ADCY8: variants seen among roughly 807,000 people sequenced by gnomAD.
ADCY8 encodes the protein adenylate cyclase type 8.
In ADCY8, 51 loss-of-function variants were observed where a neutral mutation model predicts 119.7. The ratio of observed to expected loss-of-function variants is 0.43; its 90% confidence interval spans 0.34 to 0.54. The LOEUF (loss-of-function observed/expected upper bound fraction) is 0.54. ADCY8 is among the 20% of genes least tolerant of loss of function. The probability of loss-of-function intolerance (pLI) is 0.03; values close to 1 mark genes in which losing one functional copy is unlikely to be tolerated. For missense variants in ADCY8, 1,383 were observed against 1,598.8 expected, an observed-to-expected ratio of 0.87 and a Z score of 2.30; for synonymous variants, 665 against 651.0, an observed-to-expected ratio of 1.02 and a Z score of -0.33.
intron 5 of ADCY8, among the ~76,000 whole-genome samples, chr8:130,936,788 G>A (rs1326942761): frequency 6.6e-6 from 1 of 152,124 alleles, no homozygotes; most frequent in Non-Finnish European, 1.5e-5. Flanking sequence ...TAACATCCCT[G>A]AAGGTAAGGA....
At chr8:130,896,714 T>C (rs1819402773) in intron 7 of ADCY8, among the ~76,000 whole-genome samples, 1 of 152,186 alleles carries the variant, frequency 6.6e-6, no homozygotes, top group Admixed American at 6.5e-5. Flanking sequence ...TTTTTAATTT[T>C]TTTTTCTTTA....
At chr8:131,017,518 C>T (rs900016275) in intron 1 of ADCY8, among the ~76,000 whole-genome samples, 1 of 152,208 alleles carries the variant, frequency 6.6e-6, no homozygotes, top group East Asian at 1.9e-4. Flanking sequence ...GCTTACATAA[C>T]TACTCTTTAT....
At chr8:131,031,179 A>G (rs1823985975) in intron 1 of ADCY8, among the ~76,000 whole-genome samples, 1 of 152,136 alleles carries the variant, frequency 6.6e-6, no homozygotes, top group African/African-American at 2.4e-5. Flanking sequence ...CCTTGATTAC[A>G]TCCCTGATGG....
chr8:130,900,050 G>A (rs1819544446), intron 7 of ADCY8, among the ~76,000 whole-genome samples: 1 of 152,140 alleles, frequency 6.6e-6, no homozygotes, highest in Admixed American at 6.5e-5. Flanking sequence ...GGAAACTCAA[G>A]GCATGGGGAG....
chr8:130,904,995 G>A (rs1819734421), intron 6 of ADCY8, among the ~76,000 whole-genome samples: 1 of 152,150 alleles, frequency 6.6e-6, no homozygotes, highest in South Asian at 2.1e-4. Flanking sequence ...TCTGCCACTT[G>A]CCAGCTGAGA....
At chr8:130,827,064 A>G (rs1205246741) in intron 12 of ADCY8, among the ~76,000 whole-genome samples, 1 of 152,230 alleles carries the variant, frequency 6.6e-6, no homozygotes, top group Non-Finnish European at 1.5e-5. Flanking sequence ...TAAAGTATAA[A>G]AAAAAGATGT....
At chr8:130,838,727 G>A (rs1817061471) in intron 11 of ADCY8, among the ~76,000 whole-genome samples, 1 of 141,814 alleles carries the variant, frequency 7.1e-6, no homozygotes, top group East Asian at 2.2e-4. Flanking sequence ...CATTTATTGA[G>A]TGCCTATTAC....
chr8:130,990,857 C>A (rs1822556194), intron 1 of ADCY8: 1 of 190,282 alleles, frequency 5.3e-6, no homozygotes. Flanking sequence ...TCTGTCTCCC[C>A]TTCACCAGCA....
At chr8:130,987,366 AG>A (rs1822432881) in intron 2 of ADCY8, among the ~76,000 whole-genome samples, 1 of 152,138 alleles carries the variant, frequency 6.6e-6, no homozygotes, top group Admixed American at 6.5e-5. Context: ...AAACTCTTTA[AG>A]GCCAGGATCT....
At chr8:130,968,239 C>T (rs932475331) in intron 2 of ADCY8, among the ~76,000 whole-genome samples, 5 of 151,776 alleles carry the variant, frequency 3.3e-5, no homozygotes, top group African/African-American at 9.7e-5. Context: ...GGCGCATCTC[C>T]GCTCACTGCA....
intron 2 of ADCY8, among the ~76,000 whole-genome samples, chr8:130,975,530 C>T (rs765693182): frequency 1.2e-4 from 19 of 152,224 alleles, no homozygotes; most frequent in Middle Eastern, 3.4e-3. Flanking sequence ...AAGAGTGACA[C>T]GGGGGATGGG....
intron 7 of ADCY8, among the ~76,000 whole-genome samples, chr8:130,888,977 C>A (rs1365035866): frequency 2.0e-5 from 3 of 152,064 alleles, no homozygotes; most frequent in African/African-American, 7.2e-5. Context: ...TGAGTCAAAA[C>A]CATTTCAGGT....
intron 9 of ADCY8, among the ~76,000 whole-genome samples, chr8:130,856,811 A>T (rs1002038074): frequency 1.3e-5 from 2 of 151,556 alleles, no homozygotes; most frequent in African/African-American, 4.8e-5. Context: ...GAGGGCAGGG[A>T]TTTTGTTCTT....
chr8:130,872,225 G>A (rs2954692), intron 8 of ADCY8, among the ~76,000 whole-genome samples: 29,980 of 152,102 alleles, frequency 0.2, 3,288 homozygotes, highest in South Asian at 0.44. Context: ...CTAGTGCAAG[G>A]CTGGTGCTGT....
chr8:130,884,981 T>C (rs1006414547), intron 7 of ADCY8, among the ~76,000 whole-genome samples: 2 of 152,182 alleles, frequency 1.3e-5, no homozygotes, highest in African/African-American at 4.8e-5. Flanking sequence ...TTTCTCTATG[T>C]AGGCACACTG....
At chr8:130,980,008 G>T (rs928136365) in intron 2 of ADCY8, among the ~76,000 whole-genome samples, 1 of 152,168 alleles carries the variant, frequency 6.6e-6, no homozygotes, top group Non-Finnish European at 1.5e-5. Flanking sequence ...TGAAAGGAAG[G>T]TATTGTCAGG....
intron 7 of ADCY8, among the ~76,000 whole-genome samples, chr8:130,890,700 G>A (rs1260135258): frequency 4.6e-5 from 7 of 152,134 alleles, no homozygotes; most frequent in African/African-American, 1.7e-4. Flanking sequence ...ACTTCCCAGT[G>A]CTGGCTGCTA....
chr8:131,019,961 C>A (rs1823612138), intron 1 of ADCY8, among the ~76,000 whole-genome samples: 1 of 151,568 alleles, frequency 6.6e-6, no homozygotes, highest in African/African-American at 2.4e-5. Context: ...AGGAAGCGTC[C>A]CTGAGAAAGG....
chr8:130,874,829 G>A (rs1388097766), intron 8 of ADCY8, among the ~76,000 whole-genome samples: 2 of 152,054 alleles, frequency 1.3e-5, no homozygotes, highest in East Asian at 3.9e-4. Flanking sequence ...TTGGGAGGAA[G>A]AACTCTTCCT....
Sources: allele counts gnomAD v4.1 joint callset (sites outside exome capture counted in the v4.1 genomes callset), GRCh38; gene constraint gnomAD v4.1.1; transcripts MANE v1.5; gene names NCBI Gene and HGNC (gene_info 2026-07-23, HGNC 2026-07-21).